Variants in ANK2 observed in about 807,000 individuals in gnomAD.
ANK2 encodes ankyrin-2.
ANK2 carries 83 observed loss-of-function variants against 360.5 expected under a neutral mutation model. That is an observed-to-expected ratio of 0.23 (90% CI 0.19 to 0.28). The LOEUF (loss-of-function observed/expected upper bound fraction) is 0.28. Among genes scored for constraint, ANK2 ranks in the 10% least tolerant of loss-of-function variants. The pLI is 1.00. For missense variants in ANK2, 4,201 were observed against 4,795.7 expected (o/e 0.88, Z 3.66); for synonymous variants, 1,740 against 1,759.5 (o/e 0.99, Z 0.28).
chr4:113,022,063 G>A (rs1048755577), intron 2 of ANK2, among the ~76,000 whole-genome samples: 2 of 152,052 alleles, frequency 1.3e-5, no homozygotes, highest in African/African-American at 4.8e-5. Flanking sequence ...GGATTCTTTG[G>A]TGATTAGGGG....
At chr4:113,350,345 A>G (rs2095326625) in intron 37 of ANK2, 96 bp downstream of exon 37, 15 of 977,396 alleles carry the variant, frequency 1.5e-5, no homozygotes, top group Non-Finnish European at 2.2e-5. Context: ...ACTAACCACT[A>G]TAGTAATTAC....
the ANK2 span, among the ~76,000 whole-genome samples, chr4:112,773,594 T>A: frequency 6.6e-6 from 1 of 152,204 alleles, no homozygotes; most frequent in Non-Finnish European, 1.5e-5. Flanking sequence ...TCTCCCCCAT[T>A]AATTATCATG....
chr4:112,718,032 C>T, the ANK2 span, among the ~76,000 whole-genome samples: 1 of 152,208 alleles, frequency 6.6e-6, no homozygotes, highest in East Asian at 1.9e-4. Context: ...CAGGAACACA[C>T]ATCCACTTCT....
chr4:112,995,960 T>C (rs569950215), intron 2 of ANK2, among the ~76,000 whole-genome samples: 2 of 152,290 alleles, frequency 1.3e-5, no homozygotes, highest in South Asian at 4.2e-4. Context: ...AACATGTGCA[T>C]ACCATGCCTA....
intron 4 of ANK2, among the ~76,000 whole-genome samples, chr4:113,216,559 A>G (rs1005551292): frequency 1.3e-5 from 2 of 152,258 alleles, no homozygotes; most frequent in Non-Finnish European, 2.9e-5. Context: ...TTTTGAAAGC[A>G]CAATAATAAA....
At chr4:112,790,807 GGCTTCAAAGGT>G in the ANK2 span, among the ~76,000 whole-genome samples, 4 of 152,040 alleles carry the variant, frequency 2.6e-5, no homozygotes, top group Non-Finnish European at 5.9e-5. Flanking sequence ...TTTCTTAAGG[GGCTTCAAAGGT>G]GGGGAGAAAT....
intron 5 of ANK2, among the ~76,000 whole-genome samples, chr4:113,235,144 C>A (rs901702276): frequency 4.6e-5 from 7 of 152,168 alleles, no homozygotes; most frequent in Non-Finnish European, 8.8e-5. Flanking sequence ...AGATTAATTT[C>A]ACACTCTTTT....
intron 4 of ANK2, among the ~76,000 whole-genome samples, chr4:113,215,347 A>C (rs1432776035): frequency 6.6e-6 from 1 of 152,226 alleles, no homozygotes; most frequent in African/African-American, 2.4e-5. Flanking sequence ...ATAGAGATTA[A>C]ATGGGTTAGT....
At chr4:113,192,913 A>T (rs1339327626) in intron 2 of ANK2, among the ~76,000 whole-genome samples, 1 of 136,334 alleles carries the variant, frequency 7.3e-6, no homozygotes, top group African/African-American at 2.7e-5. Flanking sequence ...TATTTTAGGG[A>T]TTGCATTATT....
intron 1 of ANK2, among the ~76,000 whole-genome samples, chr4:113,142,042 A>C (rs2096650601): frequency 6.6e-6 from 1 of 152,220 alleles, no homozygotes; most frequent in South Asian, 2.1e-4. Context: ...ACATGCAAAT[A>C]TTTGCTTTCT....
At chr4:113,365,774 A>T (rs557346616) in intron 41 of ANK2, among the ~76,000 whole-genome samples, 11 of 151,942 alleles carry the variant, frequency 7.2e-5, no homozygotes, top group Non-Finnish European at 1.2e-4. Context: ...TGATGACCAA[A>T]CTTCCTATTT....
At chr4:112,831,835 A>G (rs1212569342) in intron 1 of ANK2, among the ~76,000 whole-genome samples, 1 of 152,154 alleles carries the variant, frequency 6.6e-6, no homozygotes, top group Admixed American at 6.5e-5. Flanking sequence ...GGAGGAATGA[A>G]CAATTCCGGA....
chr4:113,076,512 A>G (rs2080055705), intron 1 of ANK2, among the ~76,000 whole-genome samples: 1 of 152,178 alleles, frequency 6.6e-6, no homozygotes, highest in Non-Finnish European at 1.5e-5. Flanking sequence ...GCATTGACAT[A>G]TGTAATCTAT....
At chr4:113,072,742 A>ATTTTTTTTTTTTTTTTTTTTT (rs34098456) in intron 1 of ANK2, among the ~76,000 whole-genome samples, 4 of 74,220 alleles carry the variant, frequency 5.4e-5, no homozygotes, top group East Asian at 7.6e-4. Context: ...ACTTGGCATA[A>ATTTTTTTTTTTTTTTTTTTTT]TTTTTTTTTT....
At chr4:113,068,891 A>T (rs1052544737) in intron 1 of ANK2, among the ~76,000 whole-genome samples, 1 of 152,134 alleles carries the variant, frequency 6.6e-6, no homozygotes, top group African/African-American at 2.4e-5. Context: ...TGAGACCCTC[A>T]TCTGTACAAA....
At chr4:112,799,524 T>G in the ANK2 span, among the ~76,000 whole-genome samples, 1 of 151,830 alleles carries the variant, frequency 6.6e-6, no homozygotes, top group Non-Finnish European at 1.5e-5. Context: ...TATTTTTATT[T>G]TTATTTTTTT....
chr4:112,715,697 G>A, the ANK2 span, among the ~76,000 whole-genome samples: 1 of 152,130 alleles, frequency 6.6e-6, no homozygotes, highest in Non-Finnish European at 1.5e-5. Flanking sequence ...AGTTTGGAGA[G>A]TGTTACACAG....
chr4:113,045,639 C>T (rs1027338125), upstream of ANK2, among the ~76,000 whole-genome samples: 9 of 152,124 alleles, frequency 5.9e-5, no homozygotes, highest in Non-Finnish European at 8.8e-5. Flanking sequence ...ATTATATCAA[C>T]GAGAACAACA....
At chr4:113,017,142 T>C (rs2056851930) in intron 2 of ANK2, among the ~76,000 whole-genome samples, 1 of 152,216 alleles carries the variant, frequency 6.6e-6, no homozygotes, top group African/African-American at 2.4e-5. Context: ...CTTTGACCTC[T>C]TATATATGTT....
Sources: allele counts gnomAD v4.1 joint callset (sites outside exome capture counted in the v4.1 genomes callset), GRCh38; gene constraint gnomAD v4.1.1; transcripts MANE v1.5; gene names NCBI Gene and HGNC (gene_info 2026-07-23, HGNC 2026-07-21).